STK38: variants seen among roughly 807,000 people sequenced by gnomAD.
The protein encoded by STK38 is serine/threonine-protein kinase 38.
In STK38, 26 loss-of-function variants were observed where a neutral mutation model predicts 59.0. The observed-to-expected ratio is 0.44, with a 90% confidence interval of 0.32 to 0.61. The LOEUF is 0.61. Among genes scored for constraint, STK38 ranks in the 20% least tolerant of loss-of-function variants. The pLI is 0.04. For missense variants in STK38, 433 were observed against 566.0 expected (o/e 0.76, Z 2.38); for synonymous variants, 175 against 176.6 (o/e 0.99, Z 0.07).
intron 7 of STK38, among the ~76,000 whole-genome samples, chr6:36,514,183 G>T (rs1777189394): frequency 6.6e-6 from 1 of 150,838 alleles, no homozygotes; most frequent in Admixed American, 6.6e-5. Flanking sequence ...AGGTACAGTG[G>T]TATGCACCTA....
At chr6:36,507,666 T>A (rs920397891) in intron 7 of STK38, 64 bp from the exon 8 acceptor site, 1 of 1,223,814 alleles carries the variant, frequency 8.2e-7, no homozygotes, top group Admixed American at 1.8e-5. Context: ...GAACATTACG[T>A]TCTGCTCCTT....
intron 12 of STK38, 76 bp downstream of exon 12, chr6:36,497,704 G>A (rs1776737733): frequency 8.2e-7 from 1 of 1,225,832 alleles, no homozygotes; most frequent in Non-Finnish European, 1.2e-6. Context: ...GCTTGCCAAT[G>A]ATGGTCCTTC....
chr6:36,537,273 T>C (rs6917951), intron 2 of STK38, among the ~76,000 whole-genome samples: 36,196 of 152,038 alleles, frequency 0.24, 4,545 homozygotes, highest in East Asian at 0.39. Flanking sequence ...CAAATGTTAG[T>C]AAAAATGTAA....
At chr6:36,530,783 G>A (rs888186977) in intron 2 of STK38, among the ~76,000 whole-genome samples, 24 of 150,264 alleles carry the variant, frequency 1.6e-4, no homozygotes, top group African/African-American at 4.4e-4. Context: ...TCTGCTTCCC[G>A]GGTTCAGGTG....
intron 1 of STK38, among the ~76,000 whole-genome samples, chr6:36,542,819 G>A (rs113615426): frequency 0.048 from 7,149 of 149,640 alleles, 239 homozygotes; most frequent in Middle Eastern, 0.12. Context: ...GGTGGCAGGC[G>A]CCTATAATCC....
intron 2 of STK38, among the ~76,000 whole-genome samples, chr6:36,535,874 C>CAAAAAA: frequency 1.3e-5 from 1 of 75,416 alleles, no homozygotes; most frequent in Non-Finnish European, 3.2e-5. Flanking sequence ...GACTCCGTCT[C>CAAAAAA]AAAAAAAAAA....
intron 1 of STK38, among the ~76,000 whole-genome samples, chr6:36,542,275 T>C (rs570748453): frequency 6.6e-6 from 1 of 152,356 alleles, no homozygotes; most frequent in South Asian, 2.1e-4. Flanking sequence ...AGGTATTTGA[T>C]AAATGTTTGC....
intron 6 of STK38, among the ~76,000 whole-genome samples, chr6:36,515,773 A>T (rs771195886): frequency 2.0e-5 from 3 of 152,226 alleles, no homozygotes; most frequent in African/African-American, 7.2e-5. Context: ...TTTAAAAAAC[A>T]ACTGTATTTG....
rs966813083 is a variant in STK38, at chr6:36,494,497, G to A, written c.*1287C>T. The A allele has an allele frequency of 5.9e-5, 9 of 152,670 alleles. No individual in the cohort carries two copies. Among genetic ancestry groups the A allele is most frequent in the African/African-American group, 1.9e-4 (8 of 41,460 alleles). The allele number at this position is 152,670 out of a possible 1,614,324, so 9.5% of individuals were successfully genotyped here. On this transcript the variant is annotated 3_prime_UTR_variant, in exon 14 of 14. Coordinates refer to ENST00000229812, the MANE Select transcript of STK38 (RefSeq NM_007271.4). ...TTTCTGACGAAATTCCTCTAAAGGTGGTGGCAGCTGTGAAACAGAAGGCAC... is the reference window on the plus strand; with the variant it reads ...TTTCTGACGAAATTCCTCTAAAGGTAGTGGCAGCTGTGAAACAGAAGGCAC...
chr6:36,520,725 T>TA (rs1326378021), intron 5 of STK38, among the ~76,000 whole-genome samples: 42 of 152,174 alleles, frequency 2.8e-4, no homozygotes, highest in African/African-American at 9.9e-4. Context: ...ACCGCCCAGG[T>TA]ATTTGATACT....
intron 7 of STK38, among the ~76,000 whole-genome samples, chr6:36,507,922 T>A (rs1777005757): frequency 6.8e-6 from 1 of 148,120 alleles, no homozygotes; most frequent in Non-Finnish European, 1.5e-5. Flanking sequence ...TTCTATATGG[T>A]ATTCAGAATT....
chr6:36,536,756 G>T (rs557881009), intron 2 of STK38, among the ~76,000 whole-genome samples: 2 of 151,792 alleles, frequency 1.3e-5, no homozygotes, highest in East Asian at 3.9e-4. Flanking sequence ...GGCTGGTCTC[G>T]AACTCCTGAC....
intron 2 of STK38, among the ~76,000 whole-genome samples, chr6:36,527,276 A>C (rs1192075972): frequency 1.4e-5 from 2 of 147,288 alleles, no homozygotes; most frequent in Non-Finnish European, 3.0e-5. Context: ...GTACACATGT[A>C]TACATATATA....
At chr6:36,506,195 A>G (rs1458051158) in intron 9 of STK38, among the ~76,000 whole-genome samples, 1 of 152,176 alleles carries the variant, frequency 6.6e-6, no homozygotes, top group African/African-American at 2.4e-5. Context: ...GTGGATCAAA[A>G]TTTTTAAAAA....
intron 5 of STK38, among the ~76,000 whole-genome samples, 166 bp downstream of exon 5, chr6:36,521,568 A>G (rs1777375729): frequency 1.3e-5 from 2 of 152,218 alleles, no homozygotes; most frequent in Non-Finnish European, 2.9e-5. Flanking sequence ...GATTTTAAAT[A>G]TGAACTGCTT....
chr6:36,520,887 T>C (rs1409005826), intron 5 of STK38, among the ~76,000 whole-genome samples: 2 of 152,196 alleles, frequency 1.3e-5, no homozygotes, highest in Non-Finnish European at 2.9e-5. Context: ...GGATTGGATG[T>C]GGGGCCAATC....
At position 36,494,377 on chromosome 6, in the gene STK38, T is replaced by C. The variant is rs1490265223; in HGVS notation, c.*1407A>G. The C allele has an allele frequency of 6.5e-6, 1 of 152,696 alleles. No homozygotes were observed. The highest frequency in any genetic ancestry group is 1.5e-5 in the Non-Finnish European group (1 of 68,048). The allele number at this position is 152,696 out of a possible 1,614,324, so 9.5% of individuals were successfully genotyped here. A position where few individuals can be genotyped will look rare whatever the true frequency, so the allele number is the denominator to read the frequency against. ...CAGCTGCAGCTCGGCCACAATACTTTGCAACAGGCAAAGTTCCCACATAGG... is the reference window on the plus strand; with the variant it reads ...CAGCTGCAGCTCGGCCACAATACTTCGCAACAGGCAAAGTTCCCACATAGG... On this transcript the variant is annotated 3_prime_UTR_variant, in exon 14 of 14. Coordinates refer to ENST00000229812, the MANE Select transcript of STK38 (RefSeq NM_007271.4).
intron 9 of STK38, among the ~76,000 whole-genome samples, chr6:36,501,785 T>C (rs1355963409): frequency 1.3e-5 from 2 of 152,226 alleles, no homozygotes; most frequent in Non-Finnish European, 2.9e-5. Flanking sequence ...CTCATTTCTC[T>C]GCCGTATGCT....
chr6:36,524,415 G>A lies in STK38; in HGVS notation c.232C>T (p.Arg78Cys), dbSNP rs1582441447. ...AHARKETEFL[R>C]LKRTRLGLED... ...AATCCAAGTCTTGTTCTCTTCAAAC[G>A]AAGAAACTCTGTTTCCTTCCGAGCA... Residue 78 changes from arginine to cysteine, a missense_variant, in exon 4 of 14, where the codon CGT (arginine) becomes TGT (cysteine). Transcript: ENST00000229812. The A allele has an allele frequency of 6.2e-7, 1 of 1,612,974 alleles. No individual in the cohort carries two copies. The highest frequency in any genetic ancestry group is 8.5e-7 in the Non-Finnish European group (1 of 1,179,618).
Sources: allele counts gnomAD v4.1 joint callset (sites outside exome capture counted in the v4.1 genomes callset), GRCh38; gene constraint gnomAD v4.1.1; transcripts MANE v1.5; gene names NCBI Gene and HGNC (gene_info 2026-07-23, HGNC 2026-07-21).